MPP3: variants seen among roughly 807,000 people sequenced by gnomAD.
MPP3 encodes MAGUK p55 scaffold protein 3.
In MPP3, 48 loss-of-function variants were observed where a neutral mutation model predicts 80.7. That is an observed-to-expected ratio of 0.59 (90% CI 0.47 to 0.76). MPP3 has a LOEUF of 0.76. Ranked by LOEUF, MPP3 falls within the 30% of genes least tolerant of loss-of-function variation. MPP3 has a pLI of 0.00. For synonymous variants in MPP3, 311 were observed against 297.6 expected (o/e 1.04, Z -0.46); for missense variants, 620 against 763.0 (o/e 0.81, Z 2.21).
intron 16 of MPP3, 41 bp downstream of exon 16, chr17:43,813,970 T>C (rs756717577): frequency 1.4e-6 from 2 of 1,464,512 alleles, no homozygotes; most frequent in Non-Finnish European, 1.9e-6. Context: ...AATATTTGTG[T>C]GTGTGCAGAC....
intron 8 of MPP3, among the ~76,000 whole-genome samples, chr17:43,826,872 G>A (rs1160692480): frequency 3.5e-5 from 5 of 144,718 alleles, no homozygotes; most frequent in South Asian, 2.1e-4. Flanking sequence ...GTCTCACTGC[G>A]TCGCCCACTC....
chr17:43,831,437 T>C lies in MPP3; in HGVS notation c.145-116A>G, dbSNP rs1032155850. The C allele has an allele frequency of 2.7e-5, 36 of 1,349,488 alleles. No individual in the cohort carries two copies. In the African/African-American group the frequency reaches 4.7e-4, roughly 18 times the overall value. The allele number at this position is 1,349,488 out of a possible 1,614,324, so 83.6% of individuals were successfully genotyped here. A position where few individuals can be genotyped will look rare whatever the true frequency, so the allele number is the denominator to read the frequency against. ...GACAGGGCACCATAAGAGAAAGTCC[T>C]GTGTAGTGGGCAAGTGAAGGCCTTC... On this transcript the variant is annotated intron_variant, in intron 4 of 19. Transcript: ENST00000398389.
chr17:43,820,563 C>T (rs1333284425), intron 11 of MPP3, among the ~76,000 whole-genome samples: 1 of 146,694 alleles, frequency 6.8e-6, no homozygotes, highest in Non-Finnish European at 1.5e-5. Flanking sequence ...TGCACTCCAG[C>T]CTGGGTGACA....
intron 14 of MPP3, 115 bp from the exon 15 acceptor site, chr17:43,814,476 T>C: frequency 1.9e-6 from 2 of 1,035,746 alleles, no homozygotes; most frequent in Admixed American, 5.3e-5. Context: ...TCCCACTGAC[T>C]TCTCCCAACC....
intron 5 of MPP3, 152 bp from the exon 6 acceptor site, chr17:43,830,259 C>T (rs1244657394): frequency 3.9e-6 from 2 of 513,802 alleles, no homozygotes; most frequent in African/African-American, 3.9e-5. Context: ...CTGGGAACAT[C>T]ACACCAGGGG....
rs1389151979 is a variant in MPP3, at chr17:43,811,180, A to G, written c.1281T>C (p.His427=). Residue 427 remains histidine, a synonymous_variant, in exon 17 of 20, where the codon CAT becomes CAC. Transcript: ENST00000398389. ...VPHTTRPRKS[H]EKEGVEYHFV... ...AGTGATATTCCACTCCTTCCTTCTC[A>G]TGGCTCTTTCGGGGCCTGGTGGTAT... 2.5e-6 allele frequency: 4 copies of G among 1,613,936 alleles called. No homozygotes were observed. The highest frequency in any genetic ancestry group is 1.6e-4 in the Middle Eastern group (1 of 6,062).
chr17:43,829,645 A>G lies in MPP3; in HGVS notation c.441+9T>C. 6.2e-7 allele frequency: 1 copy of G among 1,613,450 alleles called. No individual in the cohort carries two copies. ...AGTGGGTTAGAGAGGGGCAGGCAGC[A>G]GCACCTACCAGGGGTTCCTTGTTCT... On this transcript the variant is annotated intron_variant, in intron 7 of 19. Transcript: ENST00000398389.
At chr17:43,823,881 G>C (rs746962350) in intron 10 of MPP3, 50 bp downstream of exon 10, 281 of 1,342,224 alleles carry the variant, frequency 2.1e-4, no homozygotes, top group Non-Finnish European at 2.8e-4. Flanking sequence ...CAGCCAGCGA[G>C]CTGCATCTCT....
chr17:43,827,716 C>T (rs775184670), intron 8 of MPP3, 35 bp downstream of exon 8: 60 of 1,601,732 alleles, frequency 3.7e-5, no homozygotes, highest in Admixed American at 3.2e-4. Context: ...TGGCCATGAT[C>T]GGGGCTGGGC....
At chr17:43,825,499 G>A (rs995514196) in intron 9 of MPP3, 4 of 401,096 alleles carry the variant, frequency 1.0e-5, no homozygotes, top group Middle Eastern at 1.3e-3. Context: ...GGGGCCTTGT[G>A]AAAGGGAACC....
At chr17:43,815,896 C>A (rs1353603491) in intron 14 of MPP3, 142 bp downstream of exon 14, 4 of 798,882 alleles carry the variant, frequency 5.0e-6, no homozygotes, top group South Asian at 3.6e-5. Context: ...GTTGAGAGAA[C>A]TGAGGAGAGA....
In MPP3 at chr17:43,831,194, T is replaced by C. The variant is rs780174565; in HGVS notation, c.222+50A>G. The C allele has an allele frequency of 1.9e-5, 29 of 1,556,610 alleles. No individual in the cohort carries two copies. In the East Asian group the frequency reaches 5.2e-4, roughly 28 times the overall value. ...CAAGCGAGGCAAGATGAAGGAGCCC[T>C]ACAGGGTGGGGAGTGGGGCAGACAC... On this transcript the variant is annotated intron_variant, in intron 5 of 19. Coordinates refer to ENST00000398389, the MANE Select transcript of MPP3 (RefSeq NM_001932.6).
At chr17:43,808,639 T>G (rs1207284579) in intron 19 of MPP3, among the ~76,000 whole-genome samples, 3 of 152,236 alleles carry the variant, frequency 2.0e-5, no homozygotes, top group Non-Finnish European at 2.9e-5. Flanking sequence ...ATGAGTACAG[T>G]CTGTCACACT....
chr17:43,831,762 C>T (rs2045973433), intron 3 of MPP3, 85 bp from the exon 4 acceptor site: 4 of 1,419,088 alleles, frequency 2.8e-6, no homozygotes, highest in African/African-American at 2.9e-5. Context: ...CCTCAAACAG[C>T]ACTTCAGTCC....
intron 7 of MPP3, among the ~76,000 whole-genome samples, chr17:43,828,552 G>A (rs1272550779): frequency 1.3e-5 from 2 of 152,232 alleles, no homozygotes; most frequent in African/African-American, 4.8e-5. Context: ...CCTGTGAGAT[G>A]TGGGACAGCA....
intron 14 of MPP3, among the ~76,000 whole-genome samples, chr17:43,814,853 T>C (rs1236642198): frequency 6.6e-6 from 1 of 152,158 alleles, no homozygotes; most frequent in Non-Finnish European, 1.5e-5. Context: ...CTGAGAGATT[T>C]AGGGTTAAAG....
rs183202942 is a variant in MPP3, at chr17:43,807,097, G to A, written c.1581+1859C>T. Among the ~76,000 whole-genome samples the A allele has an allele frequency of 1.1e-4, 17 of 150,442 alleles. No homozygotes were observed. In the East Asian group the frequency reaches 3.4e-3, roughly 30 times the overall value. ...AGTGTTTCTCCTGTCTCAGCCTCCCGAGTAGCTGGGATTACAGGCATGCAC... is the reference window on the plus strand; with the variant it reads ...AGTGTTTCTCCTGTCTCAGCCTCCCAAGTAGCTGGGATTACAGGCATGCAC... On this transcript the variant is annotated intron_variant, in intron 19 of 19. Coordinates refer to ENST00000398389, the MANE Select transcript of MPP3 (RefSeq NM_001932.6).
intron 8 of MPP3, among the ~76,000 whole-genome samples, chr17:43,827,352 G>C (rs2045760663): frequency 8.2e-6 from 1 of 121,922 alleles, no homozygotes; most frequent in Non-Finnish European, 1.6e-5. Context: ...TTTTGAGACA[G>C]AGTCTCACTC....
intron 18 of MPP3, 144 bp from the exon 19 acceptor site, chr17:43,809,222 T>G (rs2044743512): frequency 1.2e-6 from 1 of 838,946 alleles, no homozygotes; most frequent in African/African-American, 1.8e-5. Context: ...GACAATGGAC[T>G]TCAACTGGGC....
Sources: gnomAD v4.1 joint callset for allele counts (sites outside exome capture counted in the v4.1 genomes callset) on GRCh38, gnomAD v4.1.1 for gene constraint, MANE v1.5 for transcripts, NCBI Gene and HGNC (gene_info 2026-07-23, HGNC 2026-07-21) for gene names.